SYTL2: variants seen among roughly 807,000 people sequenced by gnomAD.
SYTL2 encodes synaptotagmin like 2.
SYTL2 carries 165 observed loss-of-function variants against 198.7 expected under a neutral mutation model. That is an observed-to-expected ratio of 0.83 (90% CI 0.73 to 0.94). The LOEUF (loss-of-function observed/expected upper bound fraction) is 0.94. SYTL2 is among the 40% of genes least tolerant of loss of function. The probability of loss-of-function intolerance (pLI) is 0.00; values close to 1 mark genes in which losing one functional copy is unlikely to be tolerated. For missense variants in SYTL2, 2,835 were observed against 2,582.8 expected (o/e 1.10, Z -2.12); for synonymous variants, 966 against 917.7 (o/e 1.05, Z -0.95).
chr11:85,807,753 T>A (rs1452109681), intron 1 of SYTL2, among the ~76,000 whole-genome samples: 1 of 152,190 alleles, frequency 6.6e-6, no homozygotes, highest in African/African-American at 2.4e-5. Context: ...GACCCTGCAT[T>A]TTCAACAGCA....
chr11:85,843,415 CT>C, the SYTL2 span, among the ~76,000 whole-genome samples: 80 of 152,176 alleles, frequency 5.3e-4, 2 homozygotes, highest in African/African-American at 1.8e-3. Flanking sequence ...GACTCCTAAT[CT>C]TCAGGTTTGA....
At chr11:85,765,067 G>T (rs1345027006) in intron 1 of SYTL2, among the ~76,000 whole-genome samples, 1 of 152,226 alleles carries the variant, frequency 6.6e-6, no homozygotes, top group Non-Finnish European at 1.5e-5. Flanking sequence ...ACTCAATGTA[G>T]TGGGTGGCTT....
chr11:85,741,415 T>C (rs985305094), intron 4 of SYTL2, among the ~76,000 whole-genome samples: 17 of 152,224 alleles, frequency 1.1e-4, no homozygotes, highest in Non-Finnish European at 1.5e-5. Flanking sequence ...GCTACAGAGT[T>C]GTTGAACATG....
chr11:85,712,756 G>A (rs554746217), intron 12 of SYTL2, among the ~76,000 whole-genome samples: 8 of 149,474 alleles, frequency 5.4e-5, no homozygotes, highest in African/African-American at 1.5e-4. Flanking sequence ...TCACTCTATC[G>A]CCTAGGCTGG....
the SYTL2 span, among the ~76,000 whole-genome samples, chr11:85,840,586 T>C: frequency 6.6e-6 from 1 of 152,076 alleles, no homozygotes; most frequent in Admixed American, 6.6e-5. Context: ...CACCTACAAA[T>C]ACCTGTTCTG....
Position 85,711,248 on chromosome 11 carries a change from T to A in SYTL2, c.5626-16A>T, listed in dbSNP as rs1307125935. ...TGTCATCACTCTACAAAACAGCATA[T>A]AATATGCACAATATTTAAATTCAGA... On this transcript the variant is annotated splice_polypyrimidine_tract_variant and intron_variant, in intron 12 of 19. Coordinates refer to ENST00000359152, the MANE Select transcript of SYTL2 (RefSeq NM_206927.4). 8.1e-6 allele frequency: 13 copies of A among 1,608,198 alleles called. No individual in the cohort carries two copies. The highest frequency in any genetic ancestry group is 1.1e-5 in the Non-Finnish European group (13 of 1,178,006).
intron 11 of SYTL2, among the ~76,000 whole-genome samples, chr11:85,715,641 C>T (rs1286087986): frequency 2.0e-5 from 3 of 152,220 alleles, no homozygotes; most frequent in Non-Finnish European, 4.4e-5. Flanking sequence ...GCTCACATAA[C>T]AATTTTCACC....
intron 5 of SYTL2, among the ~76,000 whole-genome samples, chr11:85,737,341 T>C (rs1268499818): frequency 2.0e-5 from 3 of 152,194 alleles, no homozygotes; most frequent in African/African-American, 7.2e-5. Flanking sequence ...CTTTTTACCC[T>C]CTAGGGCAAG....
At chr11:85,850,096 G>A in the SYTL2 span, among the ~76,000 whole-genome samples, 2 of 145,930 alleles carry the variant, frequency 1.4e-5, no homozygotes, top group Non-Finnish European at 3.0e-5. Flanking sequence ...TTTGTCTGTT[G>A]TTGGTGTATA....
chr11:85,824,316 T>C, the SYTL2 span, among the ~76,000 whole-genome samples: 1 of 152,070 alleles, frequency 6.6e-6, no homozygotes, highest in African/African-American at 2.4e-5. Context: ...TGGGTATTAC[T>C]GACTGTTGGG....
chr11:85,840,151 T>C, the SYTL2 span, among the ~76,000 whole-genome samples: 12 of 152,198 alleles, frequency 7.9e-5, no homozygotes, highest in African/African-American at 2.9e-4. Context: ...TTTTTTCCTA[T>C]AGAGTCACCT....
Position 85,726,913 on chromosome 11 carries a change from A to C in SYTL2, c.2445T>G (p.Ser815=). 1 of 1,536,558 alleles carries C rather than the reference A, an allele frequency of 6.5e-7. No homozygotes were observed. The highest frequency in any genetic ancestry group is 2.4e-5 in the East Asian group (1 of 40,914). ...CAGAAGGTTGTTCCTGGCTACATGA[A>C]GATGTGGGTTTTTCATGAGTTATCT... ...GAKITHEKPT[S]SCSQEQPSAK... is the part of the protein sequence containing the mutation. Residue 815 remains serine, a synonymous_variant, in exon 8 of 20, where the codon TCT becomes TCG. Coordinates refer to ENST00000359152, the MANE Select transcript of SYTL2 (RefSeq NM_206927.4).
At chr11:85,798,510 G>A (rs1395088523) in intron 1 of SYTL2, among the ~76,000 whole-genome samples, 1 of 152,146 alleles carries the variant, frequency 6.6e-6, no homozygotes, top group African/African-American at 2.4e-5. Context: ...ATTTCATGGT[G>A]CGTTGAAGGG....
the SYTL2 span, among the ~76,000 whole-genome samples, chr11:85,833,735 T>A: frequency 4.0e-5 from 6 of 149,454 alleles, no homozygotes; most frequent in Non-Finnish European, 7.4e-5. Context: ...ATTTCTTTTT[T>A]TTTTTTTTTT....
At chr11:85,769,924 G>C (rs1401063775) in intron 1 of SYTL2, among the ~76,000 whole-genome samples, 1 of 152,056 alleles carries the variant, frequency 6.6e-6, no homozygotes, top group African/African-American at 2.4e-5. Context: ...ATTTTCACTT[G>C]GCACCCTTCC....
the SYTL2 span, among the ~76,000 whole-genome samples, chr11:85,831,969 T>A: frequency 3.3e-5 from 5 of 152,218 alleles, no homozygotes; most frequent in Admixed American, 3.3e-4. Context: ...TAGTTTTAAG[T>A]CTGTATCACT....
intron 7 of SYTL2, 72 bp from the exon 8 acceptor site, chr11:85,728,039 A>G (rs2089413371): frequency 7.4e-7 from 1 of 1,352,386 alleles, no homozygotes; most frequent in African/African-American, 1.5e-5. Flanking sequence ...TCACATCATC[A>G]TCTTTATAAA....
At chr11:85,810,743 G>A (rs1185689682) in intron 1 of SYTL2, among the ~76,000 whole-genome samples, 2 of 152,222 alleles carry the variant, frequency 1.3e-5, no homozygotes, top group East Asian at 3.9e-4. Flanking sequence ...GGCAGCGGAG[G>A]TGGCTCTGGA....
upstream of SYTL2, among the ~76,000 whole-genome samples, chr11:85,813,447 C>T (rs931349923): frequency 7.9e-5 from 12 of 152,194 alleles, no homozygotes; most frequent in Non-Finnish European, 8.8e-5. Context: ...CATATCAAGT[C>T]AGCAATGGCC....
Sources: allele counts gnomAD v4.1 joint callset (sites outside exome capture counted in the v4.1 genomes callset), GRCh38; gene constraint gnomAD v4.1.1; transcripts MANE v1.5; gene names NCBI Gene and HGNC (gene_info 2026-07-23, HGNC 2026-07-21).